The following GSDMC variants were observed in gnomAD, a reference collection of about 807,000 sequenced individuals.
GSDMC encodes the protein gasdermin-C.
GSDMC carries 59 observed loss-of-function variants against 58.0 expected under a neutral mutation model. That is an observed-to-expected ratio of 1.02 (90% CI 0.82 to 1.26). The LOEUF is 1.26. Among genes scored for constraint, GSDMC ranks in the 50% most tolerant of loss-of-function variants. The pLI is 0.00. For missense variants in GSDMC, 659 were observed against 598.5 expected (o/e 1.10, Z -1.06); for synonymous variants, 241 against 220.2 (o/e 1.09, Z -0.83).
chr8:129,707,027 G>C, the GSDMC span: 2 of 152,168 alleles, frequency 1.3e-5, no homozygotes, highest in Non-Finnish European at 2.9e-5. Flanking sequence ...CCCCCATTCT[G>C]TGCTCCCCAG....
At chr8:129,774,426 C>A (rs1246286232) in intron 3 of GSDMC, among the ~76,000 whole-genome samples, 3 of 151,754 alleles carry the variant, frequency 2.0e-5, no homozygotes, top group East Asian at 3.9e-4. Context: ...GAATATAAGA[C>A]CTGGAACCTT....
In GSDMC at chr8:129,777,726, G is replaced by A. The variant is rs192919906; in HGVS notation, c.-4-135C>T. The A allele has an allele frequency of 9.1e-4, 573 of 629,366 alleles. 3 individuals are homozygous for A. Among genetic ancestry groups the A allele is most frequent in the Middle Eastern group, 4.2e-3 (11 of 2,604 alleles). The allele number at this position is 629,366 out of a possible 1,614,324, so 39.0% of individuals were successfully genotyped here. On this transcript the variant is annotated intron_variant, in intron 1 of 13. Coordinates refer to ENST00000276708, the MANE Select transcript of GSDMC (RefSeq NM_031415.3). ...AGGTCTTTACTTAAAATAGTGACTA[G>A]ATTATAACTTTCTCAACTTTGAGTT... is the stretch of plus-strand genomic sequence containing the variant.
intron 6 of GSDMC, among the ~76,000 whole-genome samples, chr8:129,757,984 C>T (rs1406890377): frequency 3.3e-5 from 5 of 151,806 alleles, no homozygotes; most frequent in Non-Finnish European, 5.9e-5. Context: ...AAAGTAAAAC[C>T]CTGTCTCAAA....
At chr8:129,711,702 G>A in the GSDMC span, among the ~76,000 whole-genome samples, 1 of 152,208 alleles carries the variant, frequency 6.6e-6, no homozygotes, top group Non-Finnish European at 1.5e-5. Flanking sequence ...CTTACTGTGT[G>A]CGCTGGGCAA....
chr8:129,720,956 C>A, the GSDMC span, among the ~76,000 whole-genome samples: 2 of 152,170 alleles, frequency 1.3e-5, no homozygotes, highest in African/African-American at 4.8e-5. Context: ...GATGGACAGG[C>A]AGAGAAGATG....
chr8:129,713,225 T>C, the GSDMC span, among the ~76,000 whole-genome samples: 13 of 152,336 alleles, frequency 8.5e-5, no homozygotes, highest in East Asian at 2.5e-3. Flanking sequence ...GAGATGTCTC[T>C]GAGAACAATC....
intron 3 of GSDMC, among the ~76,000 whole-genome samples, chr8:129,771,002 C>A (rs999548477): frequency 6.7e-6 from 1 of 150,214 alleles, no homozygotes. Context: ...CAGACACACA[C>A]GCAGACACAT....
chr8:129,768,365 A>T (rs2033937052), intron 3 of GSDMC, among the ~76,000 whole-genome samples: 1 of 152,240 alleles, frequency 6.6e-6, no homozygotes, highest in African/African-American at 2.4e-5. Flanking sequence ...AAAGGAAACT[A>T]ATAAAGCTCC....
the GSDMC span, among the ~76,000 whole-genome samples, chr8:129,713,306 G>C: frequency 6.6e-6 from 1 of 152,196 alleles, no homozygotes; most frequent in Non-Finnish European, 1.5e-5. Context: ...AAGGTGATGT[G>C]ACTGGCCGTG....
At chr8:129,727,628 A>G in the GSDMC span, among the ~76,000 whole-genome samples, 1,193 of 152,314 alleles carry the variant, frequency 7.8e-3, 17 homozygotes, top group African/African-American at 0.027. Flanking sequence ...AGCTACAGAC[A>G]TATTCCCAGA....
rs1201432668 is a variant in GSDMC, at chr8:129,750,434, G to A, written c.1080C>T (p.Asn360=). The A allele has an allele frequency of 6.2e-7, 1 of 1,613,088 alleles. No homozygotes were observed. Among genetic ancestry groups the A allele is most frequent in the African/African-American group, 1.3e-5 (1 of 74,860 alleles). Residue 360 remains asparagine (N), a synonymous_variant, in exon 11 of 14, where the codon AAC becomes AAT. Coordinates refer to ENST00000276708, the MANE Select transcript of GSDMC (RefSeq NM_031415.3). ...ATGCAACTGTGGAGCCCCTCACCAT[G>A]TTCATCAGGTCCTGTAGAGCCCCTC... ...RDRGALQDLM[N]MLELDSSGHL...
intron 1 of GSDMC, among the ~76,000 whole-genome samples, chr8:129,784,818 C>T (rs2034512866): frequency 6.6e-6 from 1 of 152,180 alleles, no homozygotes; most frequent in Non-Finnish European, 1.5e-5. Flanking sequence ...GCACTGTTCA[C>T]AATAGCCAAG....
At chr8:129,746,898 A>G (rs937109405), downstream of GSDMC, among the ~76,000 whole-genome samples, 1 of 152,192 alleles carries the variant, frequency 6.6e-6, no homozygotes, top group African/African-American at 2.4e-5. Flanking sequence ...TACTGAAAAA[A>G]TTATTTGATC....
the GSDMC span, among the ~76,000 whole-genome samples, chr8:129,708,387 T>A: frequency 6.6e-6 from 1 of 152,242 alleles, no homozygotes; most frequent in Admixed American, 6.5e-5. Flanking sequence ...TCCCAGGCTC[T>A]GCAGAGAAAA....
Position 129,776,216 on chromosome 8 carries a change from A to G in GSDMC, c.290T>C (p.Val97Ala). 1 of 1,613,706 alleles carries G rather than the reference A, an allele frequency of 6.2e-7. No homozygotes were observed. The highest frequency in any genetic ancestry group is 1.7e-5 in the Admixed American group (1 of 60,012). Residue 97 changes from valine to alanine, a missense_variant, in exon 3 of 14, where the codon GTG becomes GCG. By Grantham distance (64) the Val-to-Ala change is moderately conservative. Transcript: ENST00000276708. ...CACACTCACTTCTATACCAACATTC[A>G]CACCCATGTCAGCCTTATGCTTCTG... ...MIQKHKADMG[V>A]NVGIEVSVSG...
intron 6 of GSDMC, among the ~76,000 whole-genome samples, chr8:129,759,940 C>T (rs1017629291): frequency 8.6e-5 from 13 of 152,018 alleles, no homozygotes; most frequent in Admixed American, 3.9e-4. Flanking sequence ...TCACAATAGT[C>T]AAGATTTGGA....
the GSDMC span, among the ~76,000 whole-genome samples, chr8:129,722,681 C>A: frequency 1.3e-5 from 2 of 152,056 alleles, no homozygotes; most frequent in Non-Finnish European, 2.9e-5. Context: ...GAAAATTGTA[C>A]CTTTAATATT....
chr8:129,750,078 A>G lies in GSDMC; in HGVS notation c.1125T>C (p.Gly375=), dbSNP rs35085916. The change falls in exon 12 of 14, where the codon GGT becomes GGC. Residue 375 remains glycine (G), a synonymous_variant. Transcript: ENST00000276708. The stretch of plus-strand genomic sequence containing the variant: ...CCTGTTGAAGTTTCTTTAGGATGGC[A>G]CCACCAGGGCCATCCAAATGACCTG... The part of the protein sequence containing the change: ...DSSGHLDGPG[G]AILKKLQQDS... The G allele has an allele frequency of 3.8e-3, 6,134 of 1,605,870 alleles. 172 individuals are homozygous for G. In the African/African-American group the frequency reaches 0.065, roughly 17 times the overall value.
chr8:129,723,310 G>A, the GSDMC span, among the ~76,000 whole-genome samples: 6 of 151,900 alleles, frequency 3.9e-5, no homozygotes, highest in African/African-American at 1.5e-4. Flanking sequence ...GCATGATCTC[G>A]GCTCACTGCA....
Sources: allele counts gnomAD v4.1 joint callset (sites outside exome capture counted in the v4.1 genomes callset), GRCh38; gene constraint gnomAD v4.1.1; transcripts MANE v1.5; gene names NCBI Gene and HGNC (gene_info 2026-07-23, HGNC 2026-07-21).